CCDC91: variants seen among roughly 807,000 people sequenced by gnomAD.
The protein encoded by CCDC91 is coiled-coil domain containing 91.
A neutral mutation model predicts 63.2 loss-of-function variants in CCDC91; 48 were observed. The observed-to-expected ratio is 0.76, with a 90% CI of 0.60 to 0.97. CCDC91 has a LOEUF of 0.97. Among genes scored for constraint, CCDC91 ranks in the 50% least tolerant of loss-of-function variants. The pLI is 0.00. For missense variants in CCDC91, 500 were observed against 494.6 expected (o/e 1.01, Z -0.10); for synonymous variants, 167 against 165.8 (o/e 1.01, Z -0.06).
intron 6 of CCDC91, among the ~76,000 whole-genome samples, chr12:28,335,251 A>G (rs891499617): frequency 2.2e-5 from 3 of 138,624 alleles, no homozygotes; most frequent in Non-Finnish European, 4.6e-5. Context: ...TATATAATAT[A>G]TAATACATAT....
At chr12:28,360,515 G>A (rs1427772306) in intron 6 of CCDC91, among the ~76,000 whole-genome samples, 1 of 152,166 alleles carries the variant, frequency 6.6e-6, no homozygotes, top group Non-Finnish European at 1.5e-5. Flanking sequence ...AGTGTCAGAA[G>A]GGGAGTGTGT....
At chr12:28,473,152 G>A (rs1191321063) in intron 11 of CCDC91, among the ~76,000 whole-genome samples, 1 of 152,126 alleles carries the variant, frequency 6.6e-6, no homozygotes. Flanking sequence ...GCTATTCATT[G>A]TTTGGTAATT....
chr12:28,545,620 G>A (rs752272188), intron 12 of CCDC91, among the ~76,000 whole-genome samples: 5 of 151,992 alleles, frequency 3.3e-5, no homozygotes, highest in African/African-American at 7.2e-5. Context: ...GAGTGCTCTG[G>A]GGAGGGAGTG....
intron 12 of CCDC91, among the ~76,000 whole-genome samples, chr12:28,496,723 C>T (rs1952304148): frequency 1.3e-5 from 2 of 151,186 alleles, no homozygotes. Flanking sequence ...GCAGCTTGGC[C>T]ACCATAATAT....
chr12:28,220,313 C>G (rs1194265746), intron 1 of CCDC91, among the ~76,000 whole-genome samples: 1 of 151,978 alleles, frequency 6.6e-6, no homozygotes, highest in Non-Finnish European at 1.5e-5. Context: ...CAATATACAT[C>G]TTTAACGTAT....
chr12:28,476,796 C>T (rs1422648356), intron 11 of CCDC91, among the ~76,000 whole-genome samples: 7 of 151,946 alleles, frequency 4.6e-5, no homozygotes, highest in African/African-American at 1.4e-4. Flanking sequence ...ATACCACCAC[C>T]GATCCCACAG....
At chr12:28,267,708 TA>T (rs1947297106) in intron 3 of CCDC91, among the ~76,000 whole-genome samples, 1 of 113,310 alleles carries the variant, frequency 8.8e-6, no homozygotes, top group Non-Finnish European at 1.7e-5. Context: ...TATATATAAT[TA>T]TATAATTATA....
In CCDC91 at chr12:28,360,567, C is replaced by A. The variant is rs554153389; in HGVS notation, c.577-1871C>A. ...AGTTTATGTGGTTCATCACTACAAC[C>A]AACCTGGCATTAGTATAATAAATCC... On this transcript the variant is annotated intron_variant, in intron 6 of 12. Transcript: ENST00000536442. Among the ~76,000 whole-genome samples the A allele has an allele frequency of 3.9e-5, 6 of 152,244 alleles. No homozygotes were observed. The South Asian group carries it at 1.2e-3, about 32-fold the overall frequency.
At chr12:28,508,770 A>G (rs1939037028) in intron 12 of CCDC91, among the ~76,000 whole-genome samples, 1 of 151,884 alleles carries the variant, frequency 6.6e-6, no homozygotes, top group Non-Finnish European at 1.5e-5. Context: ...AGAAGCACAT[A>G]TTATCTGAGT....
At chr12:28,310,338 T>G (rs200550245) in intron 6 of CCDC91, among the ~76,000 whole-genome samples, 1 of 152,178 alleles carries the variant, frequency 6.6e-6, no homozygotes, top group African/African-American at 2.4e-5. Context: ...TTGGGTTGTT[T>G]TTACATTAAT....
intron 1 of CCDC91, among the ~76,000 whole-genome samples, chr12:28,243,769 A>G (rs1459789955): frequency 1.3e-5 from 2 of 152,226 alleles, no homozygotes; most frequent in Non-Finnish European, 2.9e-5. Context: ...GGAGAAATTA[A>G]AAGTCTGAAT....
intron 7 of CCDC91, among the ~76,000 whole-genome samples, chr12:28,379,565 C>T (rs1174260214): frequency 6.6e-6 from 1 of 151,836 alleles, no homozygotes; most frequent in Admixed American, 6.6e-5. Flanking sequence ...AAATGCTCAT[C>T]ATCACTGGCC....
At chr12:28,345,582 T>C (rs902086920) in intron 6 of CCDC91, among the ~76,000 whole-genome samples, 2 of 152,226 alleles carry the variant, frequency 1.3e-5, no homozygotes, top group South Asian at 4.1e-4. Context: ...CAAAAAACTC[T>C]TACCAAATTA....
At chr12:28,208,645 G>C (rs1943018774) in intron 1 of CCDC91, among the ~76,000 whole-genome samples, 1 of 152,122 alleles carries the variant, frequency 6.6e-6, no homozygotes, top group Admixed American at 6.5e-5. Context: ...CCAGGTTACT[G>C]TAAGTCATTC....
At chr12:28,211,948 G>A (rs1259234131) in intron 1 of CCDC91, among the ~76,000 whole-genome samples, 1 of 152,064 alleles carries the variant, frequency 6.6e-6, no homozygotes, top group Non-Finnish European at 1.5e-5. Flanking sequence ...GTTAATTTCT[G>A]GATCAAATCC....
chr12:28,320,334 C>CT (rs1385765669), intron 6 of CCDC91, among the ~76,000 whole-genome samples: 29 of 151,612 alleles, frequency 1.9e-4, no homozygotes, highest in East Asian at 1.8e-3. Context: ...TGCACACAGA[C>CT]TTTTTTTTGT....
intron 11 of CCDC91, among the ~76,000 whole-genome samples, chr12:28,471,810 T>G (rs1240561145): frequency 1.3e-5 from 2 of 151,892 alleles, no homozygotes; most frequent in Non-Finnish European, 2.9e-5. Flanking sequence ...AGTGCAGTGG[T>G]GCAATCTCAG....
intron 6 of CCDC91, among the ~76,000 whole-genome samples, chr12:28,313,669 G>A (rs1213837288): frequency 6.6e-6 from 1 of 152,056 alleles, no homozygotes; most frequent in Non-Finnish European, 1.5e-5. Flanking sequence ...GCGTGAATGT[G>A]CCATAACAAA....
chr12:28,371,212 G>A (rs962925341), intron 7 of CCDC91, among the ~76,000 whole-genome samples: 1 of 152,090 alleles, frequency 6.6e-6, no homozygotes, highest in African/African-American at 2.4e-5. Flanking sequence ...GTTAGGAACT[G>A]GGCTGCACAG....
Sources: allele counts gnomAD v4.1 joint callset (sites outside exome capture counted in the v4.1 genomes callset), GRCh38; gene constraint gnomAD v4.1.1; transcripts MANE v1.5; gene names NCBI Gene and HGNC (gene_info 2026-07-23, HGNC 2026-07-21).